The following HSF1 variants were observed in gnomAD, a reference collection of about 807,000 sequenced individuals.
HSF1 encodes heat shock transcription factor 1.
A neutral mutation model predicts 51.7 loss-of-function variants in HSF1; 32 were observed. The observed-to-expected ratio is 0.62, with a 90% CI of 0.47 to 0.83. The LOEUF (loss-of-function observed/expected upper bound fraction) is 0.83. Among genes scored for constraint, HSF1 ranks in the 40% least tolerant of loss-of-function variants. The probability of loss-of-function intolerance (pLI) is 0.00; values close to 1 mark genes in which losing one functional copy is unlikely to be tolerated. For synonymous variants in HSF1, 396 were observed against 309.7 expected (o/e 1.28, Z -2.92); for missense variants, 727 against 717.0 (o/e 1.01, Z -0.16).
At chr8:144,305,336 T>C (rs986292867) in intron 1 of HSF1, among the ~76,000 whole-genome samples, 2 of 151,264 alleles carry the variant, frequency 1.3e-5, no homozygotes, top group Non-Finnish European at 2.9e-5. Flanking sequence ...AGTCTCTTTC[T>C]GTCACTAGAC....
rs2130334916 is a variant in HSF1 at position 144,297,651 on chromosome 8, A to G, written c.117+5777A>G. Among the ~76,000 whole-genome samples the G allele has an allele frequency of 6.6e-6, 1 of 152,204 alleles. No homozygotes were observed. The highest frequency in any genetic ancestry group is 1.9e-4 in the East Asian group (1 of 5,184). Reference sequence around the variant, plus strand: ...TCCCTGCTCCCCACACGTGGGCCACAGCTACTCACACACGCGCTCCCTTTG... The same window carrying G: ...TCCCTGCTCCCCACACGTGGGCCACGGCTACTCACACACGCGCTCCCTTTG... On this transcript the variant is annotated intron_variant, in intron 1 of 12. Coordinates refer to ENST00000528838, the MANE Select transcript of HSF1 (RefSeq NM_005526.4). This position sits in a 1 kb window ranked among gnomAD's most constrained non-coding sequence, Gnocchi z 4.6.
At chr8:144,314,097 C>CCCCCCCCGGG in intron 12 of HSF1, 28 bp from the exon 13 acceptor site, 1 of 1,533,472 alleles carries the variant, frequency 6.5e-7, no homozygotes, top group Non-Finnish European at 8.8e-7. Flanking sequence ...CCCAACCCCC[C>CCCCCCCCGGG]ACCGCCTTGA....
In HSF1 at chr8:144,309,886, G is replaced by A. The variant is rs1554844027; in HGVS notation, c.478G>A (p.Ala160Thr). The A allele has an allele frequency of 6.2e-7, 1 of 1,613,618 alleles. No homozygotes were observed. The change falls in exon 4 of 13, where the codon GCC becomes ACC. Residue 160 changes from alanine to threonine, a missense_variant. Ala to Thr is a moderately conservative substitution (Grantham distance 58). Coordinates refer to ENST00000528838, the MANE Select transcript of HSF1 (RefSeq NM_005526.4). ...KQECMDSKLLAMKHENEALWR... is the reference protein window; with the variant it reads ...KQECMDSKLLTMKHENEALWR... ...GGAGTGCATGGACTCCAAGCTCCTG[G>A]CCATGAAGCAGTAGGTCCCACACCA...
rs1554845468 is a variant in HSF1, at chr8:144,313,504, G to T, written c.1143-7G>T. On this transcript the variant is annotated splice_polypyrimidine_tract_variant and splice_region_variant and intron_variant, in intron 9 of 12. Coordinates refer to ENST00000528838, the MANE Select transcript of HSF1 (RefSeq NM_005526.4). ...ACTGGTTCAGGTACCGCCTTATCCC[G>T]GGCCAGGAATGAGCTCAGTGACCAC... The T allele has an allele frequency of 6.3e-7, 1 of 1,597,094 alleles. No homozygotes were observed. Among genetic ancestry groups the T allele is most frequent in the East Asian group, 2.2e-5 (1 of 44,784 alleles).
chr8:144,291,952 CG>C lies in HSF1; in HGVS notation c.117+82del. On this transcript the variant is annotated intron_variant, in intron 1 of 12. Coordinates refer to ENST00000528838, the MANE Select transcript of HSF1 (RefSeq NM_005526.4). The surrounding 1 kb of genome is among the most constrained non-coding windows in gnomAD (Gnocchi z 4.1). Reference sequence around the variant, plus strand: ...CGCGGCGGACGGCGCGGGAGGGCTGCGGGGAGGGGCCCTGCCGCACTTCAGC... The same window carrying C: ...CGCGGCGGACGGCGCGGGAGGGCTGCGGGAGGGGCCCTGCCGCACTTCAGC... 1 of 701,158 alleles carries C rather than the reference CG, an allele frequency of 1.4e-6. No homozygotes were observed. The highest frequency in any genetic ancestry group is 2.1e-6 in the Non-Finnish European group (1 of 477,934). The allele number at this position is 701,158 out of a possible 1,614,324, so 43.4% of individuals were successfully genotyped here. A position where few individuals can be genotyped will look rare whatever the true frequency, so the allele number is the denominator to read the frequency against.
chr8:144,300,212 C>T (rs1554841999), intron 1 of HSF1, among the ~76,000 whole-genome samples: 2 of 87,768 alleles, frequency 2.3e-5, no homozygotes, highest in African/African-American at 9.3e-5. Flanking sequence ...GTTGTGTACT[C>T]TTTTTTTTTT....
chr8:144,312,481 C>A, intron 9 of HSF1: 1 of 768,824 alleles, frequency 1.3e-6, no homozygotes, highest in Non-Finnish European at 2.1e-6. Flanking sequence ...TCTCAGCCAC[C>A]CGTCCTGCTG....
In HSF1 at chr8:144,291,836, A is replaced by G; in HGVS notation, c.79A>G (p.Ser27Gly). The G allele has an allele frequency of 6.4e-7, 1 of 1,551,272 alleles. No individual in the cohort carries two copies. The highest frequency in any genetic ancestry group is 8.7e-7 in the Non-Finnish European group (1 of 1,153,622). The part of the protein sequence containing the change: ...AFLTKLWTLV[S>G]DPDTDALICW... The stretch of plus-strand genomic sequence containing the variant: ...CCTGACCAAGCTGTGGACCCTCGTG[A>G]GCGACCCGGACACCGACGCGCTCAT... Residue 27 changes from serine (S) to glycine (G), a missense_variant, in exon 1 of 13, where the codon AGC (serine) becomes GGC (glycine). Around this residue, in one of 2 missense-constraint regions of HSF1, gnomAD observed 257 missense variants for 318.3 expected, o/e 0.81. Transcript: ENST00000528838. This position sits in a 1 kb window ranked among gnomAD's most constrained non-coding sequence, Gnocchi z 4.1.
intron 2 of HSF1, 41 bp from the exon 3 acceptor site, chr8:144,309,414 C>A: frequency 6.2e-7 from 1 of 1,611,280 alleles, no homozygotes. Flanking sequence ...GGTTCTGGTC[C>A]CGCCCTGAGG....
chr8:144,291,955 G>A lies in HSF1; in HGVS notation c.117+81G>A, dbSNP rs929659083. On this transcript the variant is annotated intron_variant, in intron 1 of 12. Coordinates refer to ENST00000528838, the MANE Select transcript of HSF1 (RefSeq NM_005526.4). The surrounding 1 kb of genome is among the most constrained non-coding windows in gnomAD (Gnocchi z 4.1). ...GGCGGACGGCGCGGGAGGGCTGCGG[G>A]GAGGGGCCCTGCCGCACTTCAGCTT... is the stretch of plus-strand genomic sequence containing the variant. 2.9e-6 allele frequency: 2 copies of A among 682,508 alleles called. No individual in the cohort carries two copies. Among genetic ancestry groups the A allele is most frequent in the Non-Finnish European group, 4.3e-6 (2 of 461,162 alleles). 42.3% of individuals were successfully genotyped at this position (682,508 alleles called of 1,614,324 possible).
intron 1 of HSF1, among the ~76,000 whole-genome samples, chr8:144,294,009 A>T (rs1282741144): frequency 6.6e-6 from 1 of 151,168 alleles, no homozygotes; most frequent in Non-Finnish European, 1.5e-5. Flanking sequence ...GCCAGCCTCC[A>T]CTCCACTCAC....
At chr8:144,302,209 T>TA (rs1554842469) in intron 1 of HSF1, among the ~76,000 whole-genome samples, 1 of 149,298 alleles carries the variant, frequency 6.7e-6, no homozygotes. Flanking sequence ...GACAACCATT[T>TA]AAAAAAAATT....
intron 1 of HSF1, among the ~76,000 whole-genome samples, chr8:144,299,678 G>C (rs2034768196): frequency 6.6e-6 from 1 of 152,118 alleles, no homozygotes; most frequent in Admixed American, 6.5e-5. Flanking sequence ...GGGAGGCCGA[G>C]GCGGGTGGAT....
chr8:144,314,712 G>C lies in HSF1; in HGVS notation c.*382G>C, dbSNP rs1038361045. 6 of 247,122 alleles carry C rather than the reference G, an allele frequency of 2.4e-5. No individual in the cohort carries two copies. Among genetic ancestry groups the C allele is most frequent in the African/African-American group, 1.3e-4 (6 of 45,780 alleles). 15.3% of individuals were successfully genotyped at this position (247,122 alleles called of 1,614,324 possible). ...CAGGCAGAGATCTATAAACAGACAG[G>C]CTCTATGCTATGGCCTCCATGTGTT... On this transcript the variant is annotated 3_prime_UTR_variant, in exon 13 of 13. Coordinates refer to ENST00000528838, the MANE Select transcript of HSF1 (RefSeq NM_005526.4).
In HSF1 at chr8:144,291,942, G is replaced by A; in HGVS notation, c.117+68G>A. On this transcript the variant is annotated intron_variant, in intron 1 of 12. Coordinates refer to ENST00000528838, the MANE Select transcript of HSF1 (RefSeq NM_005526.4). The surrounding 1 kb of genome is among the most constrained non-coding windows in gnomAD (Gnocchi z 4.1). ...GGAGCAGGGCCGCGGCGGACGGCGC[G>A]GGAGGGCTGCGGGGAGGGGCCCTGC... The A allele has an allele frequency of 1.2e-6, 1 of 846,404 alleles. No individual in the cohort carries two copies. The highest frequency in any genetic ancestry group is 1.7e-6 in the Non-Finnish European group (1 of 605,948). The allele number at this position is 846,404 out of a possible 1,614,324, so 52.4% of individuals were successfully genotyped here. A position where few individuals can be genotyped will look rare whatever the true frequency, so the allele number is the denominator to read the frequency against.
chr8:144,303,192 C>T (rs925604930), intron 1 of HSF1, among the ~76,000 whole-genome samples: 17 of 151,878 alleles, frequency 1.1e-4, no homozygotes, highest in African/African-American at 4.1e-4. Context: ...ATGGGGGTCT[C>T]GCTATTTGGA....
chr8:144,298,811 G>C (rs191171221), intron 1 of HSF1, among the ~76,000 whole-genome samples: 1 of 152,192 alleles, frequency 6.6e-6, no homozygotes, highest in African/African-American at 2.4e-5. Flanking sequence ...AGCAATCTGC[G>C]CGTGAGCCCG....
rs782563300 is a variant in HSF1 at position 144,314,225 on chromosome 8, A to G, written c.1485A>G (p.Gly495=). The change falls in exon 13 of 13, where the codon GGA becomes GGG. Residue 495 remains glycine (G), a synonymous_variant. Transcript: ENST00000528838. The stretch of plus-strand genomic sequence containing the variant: ...ACCTGCCGGTGCTGTTTGAGCTGGG[A>G]GAGGGCTCCTACTTCTCCGAAGGGG... ...SNDLPVLFEL[G]EGSYFSEGDG... 49 of 1,550,026 alleles carry G rather than the reference A, an allele frequency of 3.2e-5. No individual in the cohort carries two copies. The highest frequency in any genetic ancestry group is 1.7e-4 in the Middle Eastern group (1 of 6,006).
At chr8:144,303,091 C>G (rs1183729778) in intron 1 of HSF1, among the ~76,000 whole-genome samples, 3 of 152,074 alleles carry the variant, frequency 2.0e-5, no homozygotes, top group Non-Finnish European at 4.4e-5. Context: ...ATTTACCACA[C>G]GGCCAGCAGT....
Sources: gnomAD v4.1 joint callset for allele counts (sites outside exome capture counted in the v4.1 genomes callset) on GRCh38, gnomAD v4.1.1 for gene constraint, gnomAD v4.1.1 regional missense constraint, Gnocchi (gnomAD v3.1) non-coding constraint, MANE v1.5 for transcripts, NCBI Gene and HGNC (gene_info 2026-07-23, HGNC 2026-07-21) for gene names.